SLC35F5: variants seen among roughly 807,000 people sequenced by gnomAD.
The protein encoded by SLC35F5 is HCV NS5A-transactivated protein 3.
SLC35F5 carries 54 observed loss-of-function variants against 68.6 expected under a neutral mutation model. The observed-to-expected ratio is 0.79, with a 90% confidence interval of 0.63 to 0.99. SLC35F5 has a LOEUF of 0.99. Among genes scored for constraint, SLC35F5 ranks in the 50% least tolerant of loss-of-function variants. The pLI, the probability that SLC35F5 is intolerant of heterozygous loss-of-function variation, is 0.00. For missense variants in SLC35F5, 567 were observed against 626.9 expected (o/e 0.90, Z 1.02); for synonymous variants, 211 against 205.2 (o/e 1.03, Z -0.24).
intron 7 of SLC35F5, among the ~76,000 whole-genome samples, chr2:113,740,518 C>T (rs1386521315): frequency 6.6e-6 from 1 of 152,084 alleles, no homozygotes; most frequent in East Asian, 1.9e-4. Context: ...TTTGAAATTA[C>T]AATATACATA....
chr2:113,725,347 T>A (rs1257909796), intron 12 of SLC35F5, 31 bp downstream of exon 12: 3 of 1,566,918 alleles, frequency 1.9e-6, no homozygotes, highest in East Asian at 2.3e-5. Context: ...ATTAATCAAC[T>A]GATAATAATT....
intron 9 of SLC35F5, among the ~76,000 whole-genome samples, chr2:113,732,015 G>T (rs972448818): frequency 6.6e-6 from 1 of 152,106 alleles, no homozygotes; most frequent in African/African-American, 2.4e-5. Flanking sequence ...TATGTGCTAT[G>T]CTATCCACTA....
chr2:113,736,779 T>C (rs892121230), intron 7 of SLC35F5, among the ~76,000 whole-genome samples: 2 of 152,240 alleles, frequency 1.3e-5, no homozygotes, highest in African/African-American at 4.8e-5. Flanking sequence ...GTTTTCCAGC[T>C]ATCAGGACTT....
At chr2:113,705,693 G>C (rs1050830603), downstream of SLC35F5, 3 of 151,982 alleles carry the variant, frequency 2.0e-5, no homozygotes, top group African/African-American at 7.2e-5. Context: ...TCAGATCAAG[G>C]CTTTAAGAAC....
chr2:113,746,491 A>G, intron 4 of SLC35F5, 152 bp from the exon 5 acceptor site: 4 of 620,860 alleles, frequency 6.4e-6, no homozygotes, highest in South Asian at 5.4e-5. Flanking sequence ...AATGCCACAT[A>G]TTCACCATTG....
chr2:113,749,137 T>C (rs1443567411), intron 4 of SLC35F5, among the ~76,000 whole-genome samples: 1 of 152,160 alleles, frequency 6.6e-6, no homozygotes, highest in East Asian at 1.9e-4. Context: ...GAGATCTGCC[T>C]GCCTCGGCCT....
intron 7 of SLC35F5, among the ~76,000 whole-genome samples, chr2:113,737,061 A>G (rs1195527168): frequency 1.3e-5 from 2 of 152,244 alleles, no homozygotes; most frequent in African/African-American, 4.8e-5. Context: ...TTGCTGGGTC[A>G]AGCAAACTAA....
chr2:113,726,123 G>A (rs973775164), intron 11 of SLC35F5, among the ~76,000 whole-genome samples: 3 of 152,086 alleles, frequency 2.0e-5, no homozygotes, highest in South Asian at 2.1e-4. Flanking sequence ...GTGTGTGCTC[G>A]GCCATCTGAC....
intron 3 of SLC35F5, among the ~76,000 whole-genome samples, chr2:113,754,578 G>A (rs576934649): frequency 3.9e-5 from 6 of 152,228 alleles, no homozygotes; most frequent in Non-Finnish European, 1.5e-5. Flanking sequence ...AATTCAAAAT[G>A]CCACATTACT....
intron 4 of SLC35F5, 78 bp from the exon 5 acceptor site, chr2:113,746,417 A>T: frequency 8.7e-7 from 1 of 1,147,840 alleles, no homozygotes; most frequent in South Asian, 1.2e-5. Context: ...AACTCAGATA[A>T]ATAGAAGCAA....
rs528696783 is a variant in SLC35F5 at position 113,706,850 on chromosome 2, A to C, written c.*8368T>G. On this transcript the variant is annotated 3_prime_UTR_variant, in exon 16 of 16. Transcript: ENST00000245680. The stretch of plus-strand genomic sequence containing the variant: ...AAATAGAATATACAAATGATTTTAC[A>C]CAAATGAAGCATTAAAAATCACAAA... Among the ~76,000 whole-genome samples the C allele has an allele frequency of 1.7e-4, 26 of 152,332 alleles. No homozygotes were observed. The highest frequency in any genetic ancestry group is 3.2e-4 in the Non-Finnish European group (22 of 68,016).
rs939881189 is a variant in SLC35F5 at position 113,722,997 on chromosome 2, GTAT to G, written c.1341+104_1341+106del. On this transcript the variant is annotated intron_variant, in intron 13 of 15. Transcript: ENST00000245680. ...AGCACCTTGGGAGAGAAAGCATCAA[GTAT>G]TATTTATGTTTGTATCCTTATAATT... 9 of 635,606 alleles carry G rather than the reference GTAT, an allele frequency of 1.4e-5. No individual in the cohort carries two copies. The African/African-American group carries it at 1.5e-4, about 11-fold the overall frequency. 39.4% of individuals were successfully genotyped at this position (635,606 alleles called of 1,614,324 possible). A position where few individuals can be genotyped will look rare whatever the true frequency, so the allele number is the denominator to read the frequency against.
At chr2:113,743,854 A>G in intron 5 of SLC35F5, 60 bp from the exon 6 acceptor site, 1 of 1,356,408 alleles carries the variant, frequency 7.4e-7, no homozygotes, top group Admixed American at 1.9e-5. Context: ...AGTGGTTAAA[A>G]TTTAAATGGA....
At chr2:113,717,729 A>G in intron 15 of SLC35F5, 24 bp downstream of exon 15, 1 of 1,473,282 alleles carries the variant, frequency 6.8e-7, no homozygotes, top group Non-Finnish European at 9.3e-7. Context: ...CTTATTCAAT[A>G]CTAAACCCAG....
At chr2:113,733,457 A>C (rs1687972882) in intron 9 of SLC35F5, 2 of 287,340 alleles carry the variant, frequency 7.0e-6, no homozygotes, top group Non-Finnish European at 1.4e-5. Flanking sequence ...TTTTAAATAA[A>C]GTTAAATAAA....
chr2:113,756,523 G>T lies in SLC35F5; in HGVS notation c.-114C>A. 6.7e-7 allele frequency: 1 copy of T among 1,498,768 alleles called. No homozygotes were observed. Among genetic ancestry groups the T allele is most frequent in the Non-Finnish European group, 8.9e-7 (1 of 1,128,408 alleles). The allele number at this position is 1,498,768 out of a possible 1,614,324, so 92.8% of individuals were successfully genotyped here. Reference sequence around the variant, plus strand: ...CACTGGAGGCCCAGCTCCTGAAGACGCGGTGCCCCTCAGGGAGAGGCTCCC... The same window carrying T: ...CACTGGAGGCCCAGCTCCTGAAGACTCGGTGCCCCTCAGGGAGAGGCTCCC... On this transcript the variant is annotated 5_prime_UTR_variant, in exon 1 of 16. Transcript: ENST00000245680.
chr2:113,737,838 A>G (rs554928343), intron 7 of SLC35F5, among the ~76,000 whole-genome samples: 3 of 152,234 alleles, frequency 2.0e-5, no homozygotes, highest in Admixed American at 1.3e-4. Context: ...CCATCCTCCA[A>G]TAGAAATTGT....
chr2:113,734,712 T>A, intron 8 of SLC35F5, 39 bp from the exon 9 acceptor site: 1 of 1,239,990 alleles, frequency 8.1e-7, no homozygotes, highest in Non-Finnish European at 1.2e-6. Flanking sequence ...TACATGAGTT[T>A]AAATACTGTC....
intron 14 of SLC35F5, among the ~76,000 whole-genome samples, chr2:113,718,917 GAAAGAAAGAA>G (rs758058899): frequency 0.13 from 9,574 of 75,450 alleles, 495 homozygotes; most frequent in Middle Eastern, 0.22. Flanking sequence ...AAGAAAGAAA[GAAAGAAAGAA>G]AAAGAAAGGA....
Sources: gnomAD v4.1 joint callset for allele counts (sites outside exome capture counted in the v4.1 genomes callset) on GRCh38, gnomAD v4.1.1 for gene constraint, MANE v1.5 for transcripts, NCBI Gene and HGNC (gene_info 2026-07-23, HGNC 2026-07-21) for gene names.